The following ZFYVE26 variants were observed in gnomAD, a reference collection of about 807,000 sequenced individuals.
The protein encoded by ZFYVE26 is zinc finger FYVE domain-containing protein 26.
In ZFYVE26, 181 loss-of-function variants were observed where a neutral mutation model predicts 276.5. The observed-to-expected ratio is 0.65, with a 90% CI of 0.58 to 0.74. The LOEUF (loss-of-function observed/expected upper bound fraction) is 0.74, where lower values mean the gene tolerates loss of function less well. ZFYVE26 is among the 30% of genes least tolerant of loss of function. The pLI is 0.00. For synonymous variants in ZFYVE26, 1,129 were observed against 1,203.1 expected (o/e 0.94, Z 1.27); for missense variants, 2,821 against 3,097.9 (o/e 0.91, Z 2.12).
At chr14:67,756,700 G>A (rs1167535326) in intron 35 of ZFYVE26, among the ~76,000 whole-genome samples, 2 of 152,014 alleles carry the variant, frequency 1.3e-5, no homozygotes, top group South Asian at 4.1e-4. Context: ...TCTCCCCAGG[G>A]CTTCGGAGGA....
intron 27 of ZFYVE26, among the ~76,000 whole-genome samples, chr14:67,773,127 A>G (rs1258276899): frequency 6.6e-6 from 1 of 152,236 alleles, no homozygotes; most frequent in Non-Finnish European, 1.5e-5. Flanking sequence ...AGGAATTATT[A>G]TGAATTTGTT....
At position 67,737,565 on chromosome 14, in the gene ZFYVE26, G is replaced by A. The variant is rs150124765; in HGVS notation, n.2680-7746C>T. On this transcript the variant is annotated intron_variant and non_coding_transcript_variant, in intron 13 of 14. Transcript: ENST00000394455. ...CACCAGGTCCCTCCCTCAACACATGGGGATTACAATTTGAGATGAGATTTG... is the reference window on the plus strand; with the variant it reads ...CACCAGGTCCCTCCCTCAACACATGAGGATTACAATTTGAGATGAGATTTG... Among the ~76,000 whole-genome samples, 659 of 152,216 alleles carry A rather than the reference G, an allele frequency of 4.3e-3. 33 individuals carry two copies. The East Asian group carries it at 0.1, about 23-fold the overall frequency.
intron 21 of ZFYVE26, 135 bp downstream of exon 21, chr14:67,782,645 T>C (rs1037731412): frequency 1.4e-6 from 2 of 1,435,268 alleles, no homozygotes; most frequent in South Asian, 1.2e-5. Flanking sequence ...CTCTGAGACC[T>C]GGTCTCCTCT....
chr14:67,748,774 T>C, intron 41 of ZFYVE26, 135 bp from the exon 42 acceptor site: 1 of 872,638 alleles, frequency 1.1e-6, no homozygotes, highest in Non-Finnish European at 1.9e-6. Flanking sequence ...TCATGTATTT[T>C]ATGGTATTAT....
At chr14:67,793,469 A>G in intron 14 of ZFYVE26, 139 bp downstream of exon 14, 3 of 951,706 alleles carry the variant, frequency 3.2e-6, no homozygotes, top group Non-Finnish European at 1.6e-6. Context: ...GCCTGGGCAC[A>G]TGGAAACCCC....
intron 38 of ZFYVE26, 75 bp from the exon 39 acceptor site, chr14:67,753,841 CTATT>C (rs2038709932): frequency 6.5e-7 from 1 of 1,545,564 alleles, no homozygotes; most frequent in Admixed American, 1.7e-5. Flanking sequence ...ATGAAGGCCT[CTATT>C]TATTCAATTA....
intron 10 of ZFYVE26, among the ~76,000 whole-genome samples, chr14:67,800,143 A>G (rs941336142): frequency 2.6e-5 from 4 of 152,240 alleles, no homozygotes; most frequent in South Asian, 2.1e-4. Context: ...TTTTTGTAAG[A>G]GTTGTATATG....
At chr14:67,795,705 T>G (rs1215305235) in intron 12 of ZFYVE26, among the ~76,000 whole-genome samples, 2 of 152,190 alleles carry the variant, frequency 1.3e-5, no homozygotes, top group Admixed American at 1.3e-4. Flanking sequence ...TACTCCTGCA[T>G]AATGCGCCTA....
At position 67,802,817 on chromosome 14, in the gene ZFYVE26, C is replaced by T. The variant is rs541287643; in HGVS notation, c.1436-535G>A. Among the ~76,000 whole-genome samples, 4 of 152,206 alleles carry T rather than the reference C, an allele frequency of 2.6e-5. No homozygotes were observed. The South Asian group carries it at 8.3e-4, about 32-fold the overall frequency. Reference sequence around the variant, plus strand: ...AACATGGAATGTAATAACACTGGTTCTCCAATTAGTAGTAGGTCCTTTTGA... The same window carrying T: ...AACATGGAATGTAATAACACTGGTTTTCCAATTAGTAGTAGGTCCTTTTGA... On this transcript the variant is annotated intron_variant, in intron 9 of 41. Coordinates refer to ENST00000347230, the MANE Select transcript of ZFYVE26 (RefSeq NM_015346.4).
chr14:67,802,056 A>G (rs1171432434), intron 10 of ZFYVE26, 23 bp downstream of exon 10: 1 of 1,611,096 alleles, frequency 6.2e-7, no homozygotes, highest in Non-Finnish European at 8.5e-7. Flanking sequence ...AGCTTATCTC[A>G]CGGATGGAGG....
At chr14:67,798,948 T>TC in intron 10 of ZFYVE26, 1 of 1,128,662 alleles carries the variant, frequency 8.9e-7, no homozygotes, top group Non-Finnish European at 1.3e-6. Flanking sequence ...TCTTTATTTC[T>TC]CGCGCCGCGG....
At chr14:67,755,017 C>A (rs759165255) in intron 37 of ZFYVE26, 34 bp downstream of exon 37, 25 of 1,610,906 alleles carry the variant, frequency 1.6e-5, no homozygotes, top group Middle Eastern at 2.0e-4. Context: ...ACCCTTTCTG[C>A]CCCACACCAA....
Position 67,786,612 on chromosome 14 carries a change from A to G in ZFYVE26, c.3020-379T>C, listed in dbSNP as rs540603482. Among the ~76,000 whole-genome samples, 7 of 152,372 alleles carry G rather than the reference A, an allele frequency of 4.6e-5. No individual in the cohort carries two copies. In the East Asian group the frequency reaches 1.3e-3, roughly 29 times the overall value. ...TCTTGACACTCCAACTAGACTATGAACAACTTTATGGACACAGATTATTCC... is the reference window on the plus strand; with the variant it reads ...TCTTGACACTCCAACTAGACTATGAGCAACTTTATGGACACAGATTATTCC... On this transcript the variant is annotated intron_variant, in intron 16 of 41. Coordinates refer to ENST00000347230, the MANE Select transcript of ZFYVE26 (RefSeq NM_015346.4).
Position 67,807,493 on chromosome 14 carries a change from A to G in ZFYVE26, c.791T>C (p.Leu264Pro). The G allele has an allele frequency of 6.2e-7, 1 of 1,614,128 alleles. No individual in the cohort carries two copies. The highest frequency in any genetic ancestry group is 1.1e-5 in the South Asian group (1 of 91,088). Reference protein sequence around the residue: ...LREERLLSCLLHKASRGLLSL... With the variant: ...LREERLLSCLPHKASRGLLSL... The stretch of plus-strand genomic sequence containing the variant: ...CAGCAGGCCCCGGCTGGCCTTGTGC[A>G]GCAGGCAGCTGAGCAGCCGCTCCTC... The change falls in exon 5 of 42, where the codon CTG becomes CCG. Residue 264 changes from leucine (L) to proline (P), a missense_variant. Leu to Pro is a moderately conservative substitution (Grantham distance 98). Coordinates refer to ENST00000347230, the MANE Select transcript of ZFYVE26 (RefSeq NM_015346.4).
rs748087389 is a variant in ZFYVE26, at chr14:67,807,646, C to A, written c.638G>T (p.Gly213Val). Residue 213 changes from glycine to valine, a missense_variant, in exon 5 of 42, where the codon GGG (glycine) becomes GTG (valine). Coordinates refer to ENST00000347230, the MANE Select transcript of ZFYVE26 (RefSeq NM_015346.4). ...GGCTCCATAGATGGCATCGACTACC[C>A]CAGGGGGCACCGAATCAGGGCCCTG... is the stretch of plus-strand genomic sequence containing the variant. ...ALQGPDSVPP[G>V]VVDAIYGALR... The A allele has an allele frequency of 3.7e-6, 6 of 1,614,052 alleles. No individual in the cohort carries two copies. The South Asian group carries it at 6.6e-5, about 18-fold the overall frequency.
intron 32 of ZFYVE26, among the ~76,000 whole-genome samples, chr14:67,763,651 T>G (rs1465532009): frequency 6.6e-6 from 1 of 152,206 alleles, no homozygotes; most frequent in Non-Finnish European, 1.5e-5. Flanking sequence ...GACAATGCAT[T>G]TCTCAGAACA....
chr14:67,755,197 CTT>C lies in ZFYVE26; in HGVS notation c.6838_6839del (p.Lys2280ValfsTer14). On this transcript the variant is annotated frameshift_variant, in exon 37 of 42. Coordinates refer to ENST00000347230, the MANE Select transcript of ZFYVE26 (RefSeq NM_015346.4). LOFTEE classifies it high-confidence loss of function. ...GCTTCTCTCCCAGTTCTGTATATGA[CTT>C]TGCTTTGTGACTGAAGAACCGAATA... ...TCIRFFSHKA[K>X]SYTELGEKLS... 6.2e-7 allele frequency: 1 copy of C among 1,614,170 alleles called. No homozygotes were observed. Among genetic ancestry groups the C allele is most frequent in the Non-Finnish European group, 8.5e-7 (1 of 1,180,040 alleles).
intron 32 of ZFYVE26, among the ~76,000 whole-genome samples, chr14:67,763,266 A>G (rs2038979626): frequency 6.6e-6 from 1 of 152,214 alleles, no homozygotes; most frequent in African/African-American, 2.4e-5. Flanking sequence ...CTCTGGAGTC[A>G]CACTGAATTA....
Position 67,797,662 on chromosome 14 carries a change from T to C in ZFYVE26, c.2332+10A>G. The C allele has an allele frequency of 6.2e-7, 1 of 1,613,572 alleles. No homozygotes were observed. Among genetic ancestry groups the C allele is most frequent in the Non-Finnish European group, 8.5e-7 (1 of 1,179,856 alleles). On this transcript the variant is annotated intron_variant, in intron 12 of 41. Coordinates refer to ENST00000347230, the MANE Select transcript of ZFYVE26 (RefSeq NM_015346.4). ...TTGCCTAGTGCATGGGAATGAGCTC[T>C]TCAGATTACCTGCCTGGCTCCTTCT...
Sources: gnomAD v4.1 joint callset for allele counts (sites outside exome capture counted in the v4.1 genomes callset) on GRCh38, gnomAD v4.1.1 for gene constraint, MANE v1.5 for transcripts, NCBI Gene and HGNC (gene_info 2026-07-23, HGNC 2026-07-21) for gene names.